SPATA6: variants seen among roughly 807,000 people sequenced by gnomAD.
The protein encoded by SPATA6 is spermatogenesis-associated protein 6.
A neutral mutation model predicts 65.3 loss-of-function variants in SPATA6; 56 were observed. That is an observed-to-expected ratio of 0.86 (90% CI 0.69 to 1.07). The LOEUF (loss-of-function observed/expected upper bound fraction) is 1.07. Among genes scored for constraint, SPATA6 ranks in the 50% least tolerant of loss-of-function variants. The pLI is 0.00. For synonymous variants in SPATA6, 199 were observed against 213.2 expected (o/e 0.93, Z 0.58); for missense variants, 590 against 594.8 (o/e 0.99, Z 0.08).
intron 11 of SPATA6, among the ~76,000 whole-genome samples, chr1:48,316,598 A>T (rs531232322): frequency 1.3e-5 from 2 of 152,184 alleles, no homozygotes; most frequent in Non-Finnish European, 2.9e-5. Flanking sequence ...AACCTAGGCA[A>T]TACCATTCAG....
At chr1:48,428,505 ATATAT>A (rs61334004) in intron 3 of SPATA6, among the ~76,000 whole-genome samples, 3,797 of 152,316 alleles carry the variant, frequency 0.025, 101 homozygotes, top group African/African-American at 0.067. Context: ...TGCATTGCAC[ATATAT>A]TATATTAAGA....
intron 11 of SPATA6, chr1:48,325,126 T>C (rs971598916): frequency 9.8e-6 from 5 of 512,154 alleles, no homozygotes; most frequent in African/African-American, 5.8e-5. Context: ...AAGCCTCTTT[T>C]GCATACTTAT....
At chr1:48,262,670 C>T in the SPATA6 span, 3 of 151,996 alleles carry the variant, frequency 2.0e-5, no homozygotes, top group African/African-American at 4.8e-5. Flanking sequence ...TAGTAGGATA[C>T]AAAATTTGTA....
chr1:48,386,739 A>G (rs1649512507), intron 8 of SPATA6, among the ~76,000 whole-genome samples: 2 of 152,182 alleles, frequency 1.3e-5, no homozygotes, highest in Admixed American at 1.3e-4. Flanking sequence ...AAACTAACAC[A>G]AGGAGCTGCC....
At chr1:48,436,054 T>C in intron 3 of SPATA6, 1 of 1,609,234 alleles carries the variant, frequency 6.2e-7, no homozygotes, top group Non-Finnish European at 8.5e-7. Context: ...TATCCATCAA[T>C]ACTTGGTTGA....
At chr1:48,351,165 G>A (rs539981125) in intron 11 of SPATA6, among the ~76,000 whole-genome samples, 39 of 151,854 alleles carry the variant, frequency 2.6e-4, no homozygotes, top group South Asian at 2.1e-4. Context: ...GCTCATTGCT[G>A]GTATATAGAA....
chr1:48,272,697 C>T, the SPATA6 span, among the ~76,000 whole-genome samples: 1 of 151,864 alleles, frequency 6.6e-6, no homozygotes, highest in African/African-American at 2.4e-5. Context: ...GAATATATAC[C>T]CAGAAGTGAA....
the SPATA6 span, among the ~76,000 whole-genome samples, chr1:48,271,076 T>C: frequency 1.3e-5 from 2 of 152,158 alleles, no homozygotes; most frequent in African/African-American, 4.8e-5. Flanking sequence ...AGAAAATATT[T>C]AAGGCTCATC....
intron 3 of SPATA6, among the ~76,000 whole-genome samples, chr1:48,417,216 T>C (rs1173643429): frequency 1.3e-5 from 2 of 152,206 alleles, no homozygotes; most frequent in Non-Finnish European, 2.9e-5. Context: ...AAGACACATT[T>C]CTTTTAAATT....
chr1:48,452,914 T>C lies in SPATA6; in HGVS notation c.189+80A>G, dbSNP rs1488118348. The C allele has an allele frequency of 3.4e-6, 5 of 1,477,334 alleles. 1 individual carries two copies. 91.5% of individuals were successfully genotyped at this position (1,477,334 alleles called of 1,614,324 possible). A position where few individuals can be genotyped will look rare whatever the true frequency, so the allele number is the denominator to read the frequency against. On this transcript the variant is annotated intron_variant, in intron 2 of 12. Transcript: ENST00000371847. ...AAGCACACAGTCAGCAGTAATAATT[T>C]GTGTTATAGGCTTTTATTCAAAAAT... is the stretch of plus-strand genomic sequence containing the variant.
chr1:48,400,692 A>G (rs1269789901), intron 6 of SPATA6: 2 of 995,202 alleles, frequency 2.0e-6, no homozygotes, highest in South Asian at 1.5e-5. Flanking sequence ...TTTTAAGTGG[A>G]TACACAGAAA....
intron 11 of SPATA6, among the ~76,000 whole-genome samples, chr1:48,308,744 T>C (rs1022763027): frequency 6.6e-6 from 1 of 152,136 alleles, no homozygotes; most frequent in African/African-American, 2.4e-5. Flanking sequence ...TTTCAGTACA[T>C]TGAATATATC....
intron 9 of SPATA6, among the ~76,000 whole-genome samples, chr1:48,366,157 G>T (rs1383659358): frequency 6.6e-6 from 1 of 152,166 alleles, no homozygotes; most frequent in Admixed American, 6.5e-5. Flanking sequence ...CTTGATCATG[G>T]TGGATAAGCT....
At chr1:48,305,410 T>C (rs1312913603) in intron 12 of SPATA6, among the ~76,000 whole-genome samples, 1 of 152,168 alleles carries the variant, frequency 6.6e-6, no homozygotes, top group Non-Finnish European at 1.5e-5. Context: ...AATGTTATTA[T>C]TAACATTCCT....
At chr1:48,285,653 C>T in the SPATA6 span, among the ~76,000 whole-genome samples, 1 of 152,132 alleles carries the variant, frequency 6.6e-6, no homozygotes, top group African/African-American at 2.4e-5. Flanking sequence ...CACCGTTCCT[C>T]ATGGCACAGT....
chr1:48,356,416 T>C (rs1033175234), intron 10 of SPATA6, among the ~76,000 whole-genome samples: 1 of 151,654 alleles, frequency 6.6e-6, no homozygotes, highest in East Asian at 1.9e-4. Context: ...AATTATAATA[T>C]ATAGTGTTAT....
At chr1:48,320,645 G>A (rs1261672715) in intron 11 of SPATA6, among the ~76,000 whole-genome samples, 1 of 152,148 alleles carries the variant, frequency 6.6e-6, no homozygotes, top group Non-Finnish European at 1.5e-5. Context: ...AGAAAAGGAT[G>A]TTAATGAGCA....
At chr1:48,352,578 T>C (rs911899729) in intron 11 of SPATA6, among the ~76,000 whole-genome samples, 1 of 151,924 alleles carries the variant, frequency 6.6e-6, no homozygotes, top group Non-Finnish European at 1.5e-5. Flanking sequence ...ATAAGATACA[T>C]ATGAGACACA....
Position 48,359,703 on chromosome 1 carries a change from G to A in SPATA6, c.977C>T (p.Pro326Leu). Reference sequence around the variant, plus strand: ...ATGCCGGGGCTTACTACACGACCTTGGGCTCAAATACTCTTCACATTTTTC... The same window carrying A: ...ATGCCGGGGCTTACTACACGACCTTAGGCTCAAATACTCTTCACATTTTTC... Reference protein sequence around the residue: ...SLEKCEEYLSPRSCSKPRHSA... With the variant: ...SLEKCEEYLSLRSCSKPRHSA... Residue 326 changes from proline (P) to leucine (L), a missense_variant, in exon 10 of 13, where the codon CCA (proline) becomes CTA (leucine). Pro to Leu is a moderately conservative substitution (Grantham distance 98, BLOSUM62 -3). Transcript: ENST00000371847. The A allele has an allele frequency of 6.2e-7, 1 of 1,613,620 alleles. No homozygotes were observed. The highest frequency in any genetic ancestry group is 8.5e-7 in the Non-Finnish European group (1 of 1,179,784).
Sources: allele counts gnomAD v4.1 joint callset (sites outside exome capture counted in the v4.1 genomes callset), GRCh38; gene constraint gnomAD v4.1.1; transcripts MANE v1.5; gene names NCBI Gene and HGNC (gene_info 2026-07-23, HGNC 2026-07-21).